NKAIN3: variants seen among roughly 807,000 people sequenced by gnomAD.
NKAIN3 encodes sodium/potassium-transporting ATPase subunit beta-1-interacting protein 3.
A neutral mutation model predicts 30.2 loss-of-function variants in NKAIN3; 25 were observed. The ratio of observed to expected loss-of-function variants is 0.83; its 90% CI spans 0.60 to 1.16. The LOEUF (loss-of-function observed/expected upper bound fraction) is 1.16. Among genes scored for constraint, NKAIN3 ranks in the 50% most tolerant of loss-of-function variants. The probability of loss-of-function intolerance (pLI) is 0.00; values close to 1 mark genes in which losing one functional copy is unlikely to be tolerated. For missense variants in NKAIN3, 225 were observed against 254.1 expected, an observed-to-expected ratio of 0.89 and a Z score of 0.78; for synonymous variants, 91 against 89.6, an observed-to-expected ratio of 1.02 and a Z score of -0.09.
chr8:62,939,729 A>G (rs1029609597), intron 5 of NKAIN3, among the ~76,000 whole-genome samples: 3 of 152,194 alleles, frequency 2.0e-5, no homozygotes, highest in African/African-American at 7.2e-5. Flanking sequence ...CTACCCAGCC[A>G]GCACTACAAG....
chr8:62,249,181 C>A, intron 1 of NKAIN3, 54 bp downstream of exon 1: 1 of 1,412,048 alleles, frequency 7.1e-7, no homozygotes, highest in Non-Finnish European at 9.5e-7. Context: ...CAGGACCGGC[C>A]TCTGCGACTC....
At chr8:62,828,588 T>G (rs1563582036) in intron 4 of NKAIN3, among the ~76,000 whole-genome samples, 1 of 150,580 alleles carries the variant, frequency 6.6e-6, no homozygotes, top group Non-Finnish European at 1.5e-5. Context: ...GCTAAAAAAA[T>G]TTTGACGCTT....
At chr8:62,661,109 T>C (rs550872259) in intron 3 of NKAIN3, among the ~76,000 whole-genome samples, 1 of 152,174 alleles carries the variant, frequency 6.6e-6, no homozygotes, top group Admixed American at 6.5e-5. Flanking sequence ...GAAACATACA[T>C]TATTCAGTTT....
intron 1 of NKAIN3, among the ~76,000 whole-genome samples, chr8:62,413,482 TTAAG>T (rs1168971756): frequency 6.6e-6 from 1 of 152,226 alleles, no homozygotes; most frequent in Non-Finnish European, 1.5e-5. Flanking sequence ...TGTTGAATTA[TTAAG>T]TGTTTTTCAT....
At chr8:62,963,638 C>T (rs901194748) in intron 6 of NKAIN3, among the ~76,000 whole-genome samples, 1 of 152,104 alleles carries the variant, frequency 6.6e-6, no homozygotes, top group African/African-American at 2.4e-5. Context: ...TATAAAATTC[C>T]ACCATTATAA....
intron 1 of NKAIN3, among the ~76,000 whole-genome samples, chr8:62,454,646 A>G (rs1054485899): frequency 3.3e-5 from 5 of 152,210 alleles, no homozygotes; most frequent in Admixed American, 3.3e-4. Flanking sequence ...TAACATAGCA[A>G]TTCAGCATTC....
chr8:62,287,237 A>C (rs1198859062), intron 1 of NKAIN3, among the ~76,000 whole-genome samples: 1 of 151,846 alleles, frequency 6.6e-6, no homozygotes, highest in Non-Finnish European at 1.5e-5. Context: ...AGAAGGTTTA[A>C]GTTCTAGTGT....
At chr8:62,587,668 T>C (rs549268857) in intron 2 of NKAIN3, among the ~76,000 whole-genome samples, 80 of 152,122 alleles carry the variant, frequency 5.3e-4, no homozygotes, top group Middle Eastern at 3.4e-3. Flanking sequence ...ATTAAATGAT[T>C]ATCCCTCTAC....
intron 1 of NKAIN3, among the ~76,000 whole-genome samples, chr8:62,304,871 G>A (rs76108914): frequency 1.5e-4 from 22 of 150,500 alleles, no homozygotes; most frequent in Non-Finnish European, 2.6e-4. Flanking sequence ...GTGGAAAATC[G>A]ATTTTGGGTG....
Position 62,465,580 on chromosome 8 carries a change from A to G in NKAIN3, c.55-113959A>G, listed in dbSNP as rs73261491. Among the ~76,000 whole-genome samples the G allele has an allele frequency of 8.6e-3, 1,312 of 152,326 alleles. 9 individuals are homozygous for G. Among genetic ancestry groups the G allele is most frequent in the African/African-American group, 0.029 (1,223 of 41,574 alleles). ...TCCTATATTAATTTCTTCATTCAGT[A>G]AACCATCCAATGTCTCCTTCATTCA... On this transcript the variant is annotated intron_variant, in intron 1 of 6. Coordinates refer to ENST00000623646, the MANE Select transcript of NKAIN3 (RefSeq NM_001304533.3).
chr8:62,688,991 T>C (rs1169575434), intron 3 of NKAIN3, among the ~76,000 whole-genome samples: 1 of 152,204 alleles, frequency 6.6e-6, no homozygotes, highest in Non-Finnish European at 1.5e-5. Context: ...TCTTTCCATG[T>C]ATACAATAAC....
In NKAIN3 at chr8:62,971,063, G is replaced by T. The variant is rs544249362; in HGVS notation, c.*5656G>T. 1.3e-5 allele frequency among the ~76,000 whole-genome samples: 1 copy of T among 74,612 alleles called. No individual in the cohort carries two copies. The highest frequency in any genetic ancestry group is 1.6e-4 in the Admixed American group (1 of 6,186). The allele number at this position is 74,612 out of a possible 152,430, so 48.9% of individuals were successfully genotyped here. A position where few individuals can be genotyped will look rare whatever the true frequency, so the allele number is the denominator to read the frequency against. ...TGTGATTTCCCTAGAGACAAGGACCGAGACTCCTCTCATTGCTTCATCCTC... is the reference window on the plus strand; with the variant it reads ...TGTGATTTCCCTAGAGACAAGGACCTAGACTCCTCTCATTGCTTCATCCTC... On this transcript the variant is annotated 3_prime_UTR_variant, in exon 7 of 7. Transcript: ENST00000623646.
intron 3 of NKAIN3, among the ~76,000 whole-genome samples, chr8:62,658,712 G>T (rs745502990): frequency 2.6e-5 from 4 of 152,104 alleles, no homozygotes; most frequent in Non-Finnish European, 5.9e-5. Context: ...TTGTTGATTT[G>T]ATTAGTAATT....
intron 1 of NKAIN3, among the ~76,000 whole-genome samples, chr8:62,270,034 T>G (rs1812732879): frequency 6.6e-6 from 1 of 152,082 alleles, no homozygotes; most frequent in South Asian, 2.1e-4. Flanking sequence ...GTCCTTATTA[T>G]TATTATTATT....
At chr8:62,812,994 C>T (rs947824483) in intron 4 of NKAIN3, among the ~76,000 whole-genome samples, 2 of 151,798 alleles carry the variant, frequency 1.3e-5, no homozygotes, top group African/African-American at 2.4e-5. Flanking sequence ...TTTCTTGTTG[C>T]TGAAGTAGTA....
At chr8:62,344,108 G>C (rs1329198128) in intron 1 of NKAIN3, among the ~76,000 whole-genome samples, 2 of 152,002 alleles carry the variant, frequency 1.3e-5, no homozygotes, top group Non-Finnish European at 2.9e-5. Flanking sequence ...AGCCAGGCTG[G>C]GGGGTGGAGG....
chr8:62,355,362 T>C (rs532961966), intron 1 of NKAIN3, among the ~76,000 whole-genome samples: 1 of 152,200 alleles, frequency 6.6e-6, no homozygotes, highest in South Asian at 2.1e-4. Flanking sequence ...TTTCTAAATA[T>C]CCAGGTTGTT....
rs1823684016 is a variant in NKAIN3, at chr8:62,965,446, G to C, written c.*39G>C. The C allele has an allele frequency of 1.5e-5, 15 of 985,646 alleles. 2 individuals are homozygous for C. In the South Asian group the frequency reaches 6.1e-4, roughly 40 times the overall value. 61.1% of individuals were successfully genotyped at this position (985,646 alleles called of 1,614,324 possible). On this transcript the variant is annotated 3_prime_UTR_variant, in exon 7 of 7. Transcript: ENST00000623646. ...ATTGACTGCGCGCCTCGGTGGATCC[G>C]ACCCGCCTGACATTCCTTCCAGAGG...
At chr8:62,650,377 A>G (rs1284875259) in intron 3 of NKAIN3, among the ~76,000 whole-genome samples, 1 of 152,204 alleles carries the variant, frequency 6.6e-6, no homozygotes, top group African/African-American at 2.4e-5. Flanking sequence ...GTCATCAAGC[A>G]AATAATCCCC....
Sources: allele counts gnomAD v4.1 joint callset (sites outside exome capture counted in the v4.1 genomes callset), GRCh38; gene constraint gnomAD v4.1.1; transcripts MANE v1.5; gene names NCBI Gene and HGNC (gene_info 2026-07-23, HGNC 2026-07-21).